TRIM14: variants seen among roughly 807,000 people sequenced by gnomAD.
The protein encoded by TRIM14 is tripartite motif containing 14.
Under a neutral mutation model 44.5 loss-of-function variants are expected in TRIM14, and 28 were observed. The ratio of observed to expected loss-of-function variants is 0.63; its 90% confidence interval spans 0.47 to 0.86. The LOEUF is 0.86. Ranked by LOEUF, TRIM14 falls within the 40% of genes least tolerant of loss-of-function variation. TRIM14 has a pLI of 0.00. For synonymous variants in TRIM14, 299 were observed against 269.2 expected (o/e 1.11, Z -1.08); for missense variants, 607 against 611.1 (o/e 0.99, Z 0.07).
intron 1 of TRIM14, among the ~76,000 whole-genome samples, chr9:98,117,997 G>GT (rs1248399635): frequency 6.6e-6 from 1 of 152,154 alleles, no homozygotes; most frequent in African/African-American, 2.4e-5. Flanking sequence ...CCACTGGATT[G>GT]TCCCCCATGA....
chr9:98,094,921 C>T lies in TRIM14; in HGVS notation c.646G>A (p.Val216Met), dbSNP rs750770823. The T allele has an allele frequency of 6.7e-5, 108 of 1,614,064 alleles. No individual in the cohort carries two copies. Among genetic ancestry groups the T allele is most frequent in the Middle Eastern group, 3.3e-4 (2 of 6,084 alleles). ...EPVKSFFKGL[V>M]EAVESTLQTP... ...TGTAATGTACTCTCCACGGCTTCCA[C>T]GAGGCCCTTAAAGAAGCTCTTGACG... is the stretch of plus-strand genomic sequence containing the variant. The change falls in exon 4 of 6, where the codon GTG (valine) becomes ATG (methionine). Residue 216 changes from valine (V) to methionine (M), a missense_variant. Coordinates refer to ENST00000341469, the MANE Select transcript of TRIM14 (RefSeq NM_014788.4).
At chr9:98,077,245 G>T (rs190799590) in intron 6 of TRIM14, among the ~76,000 whole-genome samples, 3 of 152,122 alleles carry the variant, frequency 2.0e-5, no homozygotes, top group Admixed American at 2.0e-4. Context: ...TTACAGGCAT[G>T]AGCCACTGTG....
At chr9:98,059,718 T>G in the TRIM14 span, among the ~76,000 whole-genome samples, 2 of 151,976 alleles carry the variant, frequency 1.3e-5, no homozygotes, top group African/African-American at 4.8e-5. Context: ...CCTGACCTCT[T>G]GAGTGTTTTT....
At position 98,087,592 on chromosome 9, in the gene TRIM14, C is replaced by T; in HGVS notation, c.1207G>A (p.Ala403Thr). ...ATGCCGCCCGTCACGTCGTAGAAGG[C>T]GAGGACGCCGGCCTCGTAGTCCAGG... ...VFLDYEAGVL[A>T]FYDVTGGMSH... The change falls in exon 6 of 6, where the codon GCC becomes ACC. Residue 403 changes from alanine (A) to threonine (T), a missense_variant. This residue lies in a region of TRIM14 where 356 missense variants were observed against 323.0 expected (regional missense o/e 1.10). Transcript: ENST00000341469. The T allele has an allele frequency of 6.3e-7, 1 of 1,598,936 alleles. No homozygotes were observed.
the TRIM14 span, among the ~76,000 whole-genome samples, chr9:98,052,799 C>T: frequency 6.6e-6 from 1 of 152,354 alleles, no homozygotes; most frequent in East Asian, 1.9e-4. Flanking sequence ...AGCCACCGTG[C>T]TCAGCCCAAA....
At chr9:98,062,782 T>G in the TRIM14 span, among the ~76,000 whole-genome samples, 6 of 149,754 alleles carry the variant, frequency 4.0e-5, no homozygotes, top group East Asian at 1.9e-4. Context: ...TTTCAGTTTT[T>G]TTTTTTTTTT....
chr9:98,059,629 G>A, the TRIM14 span, among the ~76,000 whole-genome samples: 2 of 151,952 alleles, frequency 1.3e-5, no homozygotes, highest in Non-Finnish European at 2.9e-5. Flanking sequence ...TGCCGAGGCT[G>A]GTCTTGAACT....
the TRIM14 span, chr9:98,056,816 T>A: frequency 6.2e-7 from 1 of 1,608,164 alleles, no homozygotes; most frequent in Non-Finnish European, 8.5e-7. Context: ...GCAATGCCGC[T>A]GGAGCTGGAG....
At chr9:98,047,539 T>A in the TRIM14 span, among the ~76,000 whole-genome samples, 42 of 152,196 alleles carry the variant, frequency 2.8e-4, no homozygotes, top group Non-Finnish European at 5.0e-4. Flanking sequence ...ACCCCAGGAA[T>A]TGGAAGCAGT....
At position 98,100,136 on chromosome 9, in the gene TRIM14, A is replaced by T. The variant is rs1213994851; in HGVS notation, c.332T>A (p.Leu111Gln). 1 of 1,614,078 alleles carries T rather than the reference A, an allele frequency of 6.2e-7. No individual in the cohort carries two copies. Among genetic ancestry groups the T allele is most frequent in the African/African-American group, 1.3e-5 (1 of 74,930 alleles). Residue 111 changes from leucine to glutamine, a missense_variant, in exon 3 of 6, where the codon CTG (leucine) becomes CAG (glutamine). Leu to Gln is a moderately radical substitution (Grantham distance 113). Around this residue, in one of 3 missense-constraint regions of TRIM14, gnomAD observed 246 missense variants for 270.8 expected, o/e 0.91. Transcript: ENST00000341469. ...KANAESSKTW[L>Q]KGKFTELRLL... ...TCTGAGTTCAGTGAATTTCCCCTTCAGCCAGGTTTTACTTGACTCTGCATT... is the reference window on the plus strand; with the variant it reads ...TCTGAGTTCAGTGAATTTCCCCTTCTGCCAGGTTTTACTTGACTCTGCATT...
At chr9:98,108,432 T>C (rs761100149) in intron 2 of TRIM14, among the ~76,000 whole-genome samples, 23 of 152,220 alleles carry the variant, frequency 1.5e-4, no homozygotes, top group Non-Finnish European at 2.5e-4. Flanking sequence ...CTATTGTTAG[T>C]GTTAGTGTAT....
intron 2 of TRIM14, among the ~76,000 whole-genome samples, chr9:98,100,761 G>A (rs972964294): frequency 4.6e-5 from 7 of 152,102 alleles, no homozygotes; most frequent in African/African-American, 1.4e-4. Context: ...GTATGTATGT[G>A]TATGTGTGGT....
chr9:98,113,142 G>A (rs868051370), intron 1 of TRIM14, among the ~76,000 whole-genome samples: 30 of 142,422 alleles, frequency 2.1e-4, no homozygotes, highest in African/African-American at 6.5e-4. Context: ...AAAAAAGAAG[G>A]AATTTTTTAT....
chr9:98,094,767 TG>T, intron 4 of TRIM14, 99 bp downstream of exon 4: 1 of 1,415,758 alleles, frequency 7.1e-7, no homozygotes, highest in Non-Finnish European at 9.7e-7. Flanking sequence ...GGCCTCAGTG[TG>T]GGAGAGACAG....
At chr9:98,114,343 T>C (rs980625398) in intron 1 of TRIM14, among the ~76,000 whole-genome samples, 1 of 151,896 alleles carries the variant, frequency 6.6e-6, no homozygotes, top group Admixed American at 6.6e-5. Context: ...GACAATTTGT[T>C]TTTTTTTTGA....
intron 5 of TRIM14, among the ~76,000 whole-genome samples, chr9:98,091,143 A>G (rs527903308): frequency 6.6e-6 from 1 of 152,224 alleles, no homozygotes; most frequent in East Asian, 1.9e-4. Context: ...TCATTCTCTC[A>G]TTCATTAATT....
At chr9:98,060,824 G>C in the TRIM14 span, 3 of 1,614,112 alleles carry the variant, frequency 1.9e-6, no homozygotes, top group African/African-American at 4.0e-5. Flanking sequence ...GAGTGAGCTA[G>C]AATTCAAGTT....
At chr9:98,104,911 C>T (rs148861633) in intron 2 of TRIM14, among the ~76,000 whole-genome samples, 135 of 151,990 alleles carry the variant, frequency 8.9e-4, no homozygotes, top group African/African-American at 3.2e-3. Flanking sequence ...GGATGCCTCT[C>T]ATGGGATGCA....
the TRIM14 span, among the ~76,000 whole-genome samples, chr9:98,055,014 G>A: frequency 2.0e-5 from 3 of 152,106 alleles, no homozygotes; most frequent in Admixed American, 2.0e-4. Context: ...AGAGGTTTTT[G>A]GGGTTTTTGT....
Sources: allele counts gnomAD v4.1 joint callset (sites outside exome capture counted in the v4.1 genomes callset), GRCh38; gene constraint gnomAD v4.1.1; regional missense constraint gnomAD v4.1.1; transcripts MANE v1.5; gene names NCBI Gene and HGNC (gene_info 2026-07-23, HGNC 2026-07-21).